The following CYP2C8 variants were observed in gnomAD, a reference collection of about 807,000 sequenced individuals.
The protein encoded by CYP2C8 is cytochrome P450 2C8.
A neutral mutation model predicts 41.3 loss-of-function variants in CYP2C8; 51 were observed. That is an observed-to-expected ratio of 1.24 (90% confidence interval 0.99 to 1.56). CYP2C8 has a LOEUF of 1.56. Among genes scored for constraint, CYP2C8 ranks in the 40% most tolerant of loss-of-function variants. CYP2C8 has a pLI of 0.00. For synonymous variants in CYP2C8, 218 were observed against 205.8 expected (o/e 1.06, Z -0.51); for missense variants, 651 against 579.9 (o/e 1.12, Z -1.26).
At chr10:95,059,997 G>A (rs36180793) in intron 4 of CYP2C8, among the ~76,000 whole-genome samples, 45,293 of 151,948 alleles carry the variant, frequency 0.3, 7,635 homozygotes, top group African/African-American at 0.46. Flanking sequence ...TGTTCCATTG[G>A]TCTATATCTC....
At chr10:95,067,418 A>G in intron 2 of CYP2C8, 61 bp from the exon 3 acceptor site, 2 of 1,613,440 alleles carry the variant, frequency 1.2e-6, no homozygotes, top group Non-Finnish European at 1.7e-6. Flanking sequence ...GTGCTGCAAC[A>G]CTTGGCAGCC....
rs530636813 is a variant in CYP2C8 at position 95,064,421 on chromosome 10, T to G, written c.642+379A>C. Among the ~76,000 whole-genome samples the G allele has an allele frequency of 2.0e-5, 3 of 152,256 alleles. No individual in the cohort carries two copies. The East Asian group carries it at 5.8e-4, about 29-fold the overall frequency. On this transcript the variant is annotated intron_variant, in intron 4 of 8. Transcript: ENST00000371270. Reference sequence around the variant, plus strand: ...GTGAGGCTTCGTGGGCATGGGACCCTCCAAGCCAGGTGCAGGATATAATCT... The same window carrying G: ...GTGAGGCTTCGTGGGCATGGGACCCGCCAAGCCAGGTGCAGGATATAATCT...
rs772497816 is a variant in CYP2C8, at chr10:95,042,952, G to T, written c.1087C>A (p.Pro363Thr). The change falls in exon 7 of 9, where the codon CCC becomes ACC. Residue 363 changes from proline to threonine, a missense_variant. Pro to Thr is a conservative substitution (Grantham distance 38). Coordinates refer to ENST00000371270, the MANE Select transcript of CYP2C8 (RefSeq NM_000770.3). ...GTCACTGCATGGGGCACACCGGTGG[G>T]GACAAGGTCACTGTATCTCTGGATC... ...HEIQRYSDLV[P>T]TGVPHAVTTD... 8.1e-6 allele frequency: 13 copies of T among 1,613,994 alleles called. No homozygotes were observed. The South Asian group carries it at 1.4e-4, about 18-fold the overall frequency.
chr10:95,064,474 A>G (rs7917836), intron 4 of CYP2C8, among the ~76,000 whole-genome samples: 97,119 of 151,748 alleles, frequency 0.64, 31,759 homozygotes, highest in African/African-American at 0.76. Context: ...TAAGACCACT[A>G]GAAAAGCACA....
chr10:95,037,073 A>T lies in CYP2C8; in HGVS notation c.*55T>A, dbSNP rs1323573679. 1 of 1,506,672 alleles carries T rather than the reference A, an allele frequency of 6.6e-7. No individual in the cohort carries two copies. The highest frequency in any genetic ancestry group is 1.4e-5 in the African/African-American group (1 of 72,652). 93.3% of individuals were successfully genotyped at this position (1,506,672 alleles called of 1,614,324 possible). ...AGACATAATAGTGGGAATGTCCTTG[A>T]TAAAAAAAGAGTTGCAGGTGATAGC... is the stretch of plus-strand genomic sequence containing the variant. On this transcript the variant is annotated 3_prime_UTR_variant, in exon 9 of 9. Coordinates refer to ENST00000371270, the MANE Select transcript of CYP2C8 (RefSeq NM_000770.3).
chr10:95,050,124 C>T (rs1208601827), intron 5 of CYP2C8, among the ~76,000 whole-genome samples: 2 of 152,018 alleles, frequency 1.3e-5, no homozygotes, highest in African/African-American at 4.8e-5. Flanking sequence ...GGCTCTTGTA[C>T]AGGGTCTGTA....
rs2032945432 is a variant in CYP2C8 at position 95,039,056 on chromosome 10, G to C, written c.1150-18C>G. 4 of 1,610,612 alleles carry C rather than the reference G, an allele frequency of 2.5e-6. No individual in the cohort carries two copies. On this transcript the variant is annotated intron_variant, in intron 7 of 8. Coordinates refer to ENST00000371270, the MANE Select transcript of CYP2C8 (RefSeq NM_000770.3). ...GTTGTGCCCTGGAAGTAACAAAACA[G>C]ATAATCTGATTTATAAAGAAGTCCA...
intron 7 of CYP2C8, among the ~76,000 whole-genome samples, chr10:95,042,057 A>C (rs181458907): frequency 6.6e-5 from 10 of 152,304 alleles, no homozygotes; most frequent in Admixed American, 6.5e-4. Flanking sequence ...TTAAAAAAAT[A>C]CTTAAAACAT....
At chr10:95,042,673 C>A (rs903795236) in intron 7 of CYP2C8, among the ~76,000 whole-genome samples, 6 of 152,112 alleles carry the variant, frequency 3.9e-5, no homozygotes, top group African/African-American at 1.4e-4. Context: ...ATATTTTCAA[C>A]AATTATTTGA....
chr10:95,068,242 T>C (rs372784220), intron 1 of CYP2C8, among the ~76,000 whole-genome samples: 19 of 151,608 alleles, frequency 1.3e-4, no homozygotes, highest in African/African-American at 4.1e-4. Flanking sequence ...TAATGCCCAG[T>C]CCAGTTTGTA....
At chr10:95,051,550 C>T (rs2033214965) in intron 5 of CYP2C8, among the ~76,000 whole-genome samples, 1 of 152,028 alleles carries the variant, frequency 6.6e-6, no homozygotes, top group Non-Finnish European at 1.5e-5. Flanking sequence ...AAGACTACTT[C>T]CAGGAATTTA....
At chr10:95,052,680 T>G (rs530153604) in intron 5 of CYP2C8, among the ~76,000 whole-genome samples, 1 of 152,092 alleles carries the variant, frequency 6.6e-6, no homozygotes, top group Non-Finnish European at 1.5e-5. Flanking sequence ...ATCAACAGAA[T>G]AAAGAACGAA....
intron 6 of CYP2C8, among the ~76,000 whole-genome samples, chr10:95,044,794 T>A (rs958349657): frequency 1.3e-5 from 2 of 152,148 alleles, no homozygotes; most frequent in African/African-American, 4.8e-5. Context: ...CCCTTTTCAG[T>A]CTCATTCCCT....
At chr10:95,046,694 T>A (rs563595082) in intron 5 of CYP2C8, among the ~76,000 whole-genome samples, 6 of 148,892 alleles carry the variant, frequency 4.0e-5, no homozygotes, top group South Asian at 4.2e-4. Context: ...ATTGACATCA[T>A]CTTGGGACAT....
chr10:95,055,045 C>A (rs1161836618), intron 5 of CYP2C8, among the ~76,000 whole-genome samples: 2 of 152,004 alleles, frequency 1.3e-5, no homozygotes, highest in Non-Finnish European at 2.9e-5. Context: ...GTTAAGATGG[C>A]AATGCTTCCA....
intron 1 of CYP2C8, among the ~76,000 whole-genome samples, 156 bp from the exon 2 acceptor site, chr10:95,067,847 AT>A (rs1359709037): frequency 1.3e-5 from 2 of 152,200 alleles, no homozygotes; most frequent in African/African-American, 4.8e-5. Flanking sequence ...TGTGATGGTG[AT>A]TGTTATAGCT....
intron 5 of CYP2C8, among the ~76,000 whole-genome samples, chr10:95,046,929 A>T (rs1413646310): frequency 6.6e-6 from 1 of 152,110 alleles, no homozygotes; most frequent in Non-Finnish European, 1.5e-5. Context: ...TTTTGTTGAA[A>T]CTTAATCCCC....
At chr10:95,047,692 G>A (rs1209300926) in intron 5 of CYP2C8, among the ~76,000 whole-genome samples, 1 of 152,140 alleles carries the variant, frequency 6.6e-6, no homozygotes, top group African/African-American at 2.4e-5. Flanking sequence ...AAGAGTAGGG[G>A]CAATGCAAAT....
intron 5 of CYP2C8, among the ~76,000 whole-genome samples, chr10:95,051,020 G>A (rs2033204544): frequency 6.6e-6 from 1 of 152,142 alleles, no homozygotes; most frequent in African/African-American, 2.4e-5. Context: ...ACCAATCCTG[G>A]AGAAACAGAG....
Sources: gnomAD v4.1 joint callset for allele counts (sites outside exome capture counted in the v4.1 genomes callset) on GRCh38, gnomAD v4.1.1 for gene constraint, MANE v1.5 for transcripts, NCBI Gene and HGNC (gene_info 2026-07-23, HGNC 2026-07-21) for gene names.